The following PTPN12 variants were observed in gnomAD, a reference collection of about 807,000 sequenced individuals.
PTPN12 encodes tyrosine-protein phosphatase non-receptor type 12.
In PTPN12, 29 loss-of-function variants were observed where a neutral mutation model predicts 97.6. The ratio of observed to expected loss-of-function variants is 0.30; its 90% CI spans 0.22 to 0.41. The LOEUF (loss-of-function observed/expected upper bound fraction) is 0.41. Among genes scored for constraint, PTPN12 ranks in the 10% least tolerant of loss-of-function variants. The pLI, the probability that PTPN12 is intolerant of heterozygous loss-of-function variation, is 1.00. For missense variants in PTPN12, 819 were observed against 926.0 expected (o/e 0.88, Z 1.50); for synonymous variants, 327 against 300.4 (o/e 1.09, Z -0.91).
intron 11 of PTPN12, among the ~76,000 whole-genome samples, chr7:77,615,744 C>T (rs939878926): frequency 6.6e-6 from 1 of 152,132 alleles, no homozygotes; most frequent in South Asian, 2.1e-4. Flanking sequence ...AAATTCTTTT[C>T]CATTTCAAAA....
chr7:77,635,454 A>G (rs1028794950), intron 14 of PTPN12, among the ~76,000 whole-genome samples: 5 of 152,228 alleles, frequency 3.3e-5, no homozygotes, highest in East Asian at 1.9e-4. Flanking sequence ...ATGAAACGGT[A>G]TACTTCAGTT....
At chr7:77,625,608 C>T (rs1345614410) in intron 12 of PTPN12, among the ~76,000 whole-genome samples, 20 of 109,994 alleles carry the variant, frequency 1.8e-4, no homozygotes, top group African/African-American at 4.0e-4. Context: ...CTTGCTCTGT[C>T]GCCCAGACTG....
intron 11 of PTPN12, 101 bp from the exon 12 acceptor site, chr7:77,618,361 TAACTTGGCAAAATTGGCA>T: frequency 6.2e-6 from 4 of 641,382 alleles, no homozygotes; most frequent in Non-Finnish European, 7.7e-6. Flanking sequence ...TTTTTTTTTT[TAACTTGGCAAAATTGGCA>T]TTGTTTAAGG....
intron 12 of PTPN12, among the ~76,000 whole-genome samples, chr7:77,623,426 T>C (rs530514895): frequency 2.2e-4 from 34 of 152,194 alleles, no homozygotes; most frequent in Non-Finnish European, 4.4e-4. Flanking sequence ...ATACTGGTCA[T>C]GAGGCCGGGC....
At chr7:77,580,246 T>C (rs1787471497) in intron 2 of PTPN12, among the ~76,000 whole-genome samples, 1 of 152,216 alleles carries the variant, frequency 6.6e-6, no homozygotes, top group Non-Finnish European at 1.5e-5. Context: ...GGAAGATCTG[T>C]AGTCCAGGAG....
intron 2 of PTPN12, among the ~76,000 whole-genome samples, chr7:77,578,412 G>C (rs1034259188): frequency 6.6e-6 from 1 of 152,122 alleles, no homozygotes; most frequent in Non-Finnish European, 1.5e-5. Context: ...ATAAATGACA[G>C]AGCATTGACA....
At chr7:77,576,421 A>G (rs951529745) in intron 2 of PTPN12, among the ~76,000 whole-genome samples, 1 of 151,880 alleles carries the variant, frequency 6.6e-6, no homozygotes, top group Non-Finnish European at 1.5e-5. Flanking sequence ...CCAATCTGGC[A>G]GGGCGAGGTG....
chr7:77,541,292 A>G (rs1300472128), intron 1 of PTPN12, among the ~76,000 whole-genome samples: 1 of 152,092 alleles, frequency 6.6e-6, no homozygotes, highest in Non-Finnish European at 1.5e-5. Context: ...GGGTTTCCCC[A>G]TGTTGCCCAG....
At chr7:77,625,191 A>G (rs563944121) in intron 12 of PTPN12, among the ~76,000 whole-genome samples, 2 of 152,228 alleles carry the variant, frequency 1.3e-5, no homozygotes, top group African/African-American at 4.8e-5. Flanking sequence ...AGTTTGCTTC[A>G]TATAAAGTTC....
At chr7:77,588,807 G>T (rs1027297897) in intron 5 of PTPN12, among the ~76,000 whole-genome samples, 1 of 152,066 alleles carries the variant, frequency 6.6e-6, no homozygotes, top group African/African-American at 2.4e-5. Flanking sequence ...GAATAAAATT[G>T]AACAAGTGGA....
intron 11 of PTPN12, among the ~76,000 whole-genome samples, chr7:77,613,267 C>T (rs1260759964): frequency 6.9e-6 from 1 of 144,476 alleles, no homozygotes; most frequent in African/African-American, 2.6e-5. Flanking sequence ...CTCTGCCTCC[C>T]GGGTTCATGT....
intron 1 of PTPN12, among the ~76,000 whole-genome samples, chr7:77,560,317 A>G (rs193162679): frequency 3.9e-5 from 6 of 152,338 alleles, no homozygotes; most frequent in Admixed American, 3.9e-4. Context: ...GATACTGGAT[A>G]GGACATTTAA....
chr7:77,618,215 G>A (rs769720397), intron 11 of PTPN12, among the ~76,000 whole-genome samples: 4 of 151,836 alleles, frequency 2.6e-5, no homozygotes, highest in African/African-American at 9.7e-5. Flanking sequence ...GTTTTTTTAC[G>A]GTAGCATTTG....
intron 1 of PTPN12, among the ~76,000 whole-genome samples, chr7:77,561,861 G>A (rs1205635762): frequency 6.6e-6 from 1 of 151,350 alleles, no homozygotes; most frequent in Non-Finnish European, 1.5e-5. Flanking sequence ...GCACGATCTC[G>A]GCTCACTGCA....
chr7:77,558,228 GAAAAAGA>G (rs1159185866), intron 1 of PTPN12, among the ~76,000 whole-genome samples: 1 of 139,566 alleles, frequency 7.2e-6, no homozygotes, highest in African/African-American at 2.7e-5. Context: ...AAAAAAAAAA[GAAAAAGA>G]AAAAAGAAAG....
At chr7:77,561,889 T>C (rs972635350) in intron 1 of PTPN12, among the ~76,000 whole-genome samples, 9 of 151,738 alleles carry the variant, frequency 5.9e-5, no homozygotes, top group African/African-American at 2.2e-4. Context: ...CCTCCTGGGT[T>C]CATGCCATTC....
intron 7 of PTPN12, among the ~76,000 whole-genome samples, chr7:77,598,971 A>G (rs963042067): frequency 1.3e-5 from 2 of 151,298 alleles, no homozygotes; most frequent in African/African-American, 2.4e-5. Context: ...AACAAGCTAT[A>G]TAAATAGTAT....
chr7:77,573,231 T>A (rs1049350372), intron 2 of PTPN12, among the ~76,000 whole-genome samples: 1 of 152,206 alleles, frequency 6.6e-6, no homozygotes, highest in Non-Finnish European at 1.5e-5. Context: ...TTCTCACCTG[T>A]TGTCTTAGTC....
Position 77,605,409 on chromosome 7 carries a change from G to GGTTTTTTTTTTTTTTT in PTPN12, c.696-1826_696-1825insGTTTTTTTTTTTTTTT, listed in dbSNP as rs1554321255. ...TTACTTTAAAATACTTTTGTCATGA[G>GGTTTTTTTTTTTTTTT]TTTTTTTTTTTTTTTTTTTTTTTTT... On this transcript the variant is annotated intron_variant, in intron 8 of 17. Coordinates refer to ENST00000248594, the MANE Select transcript of PTPN12 (RefSeq NM_002835.4). Among the ~76,000 whole-genome samples, 133 of 95,532 alleles carry GGTTTTTTTTTTTTTTT rather than the reference G, an allele frequency of 1.4e-3. 25 individuals are homozygous for GGTTTTTTTTTTTTTTT. The highest frequency in any genetic ancestry group is 1.8e-3 in the Non-Finnish European group (88 of 50,176). 62.7% of individuals were successfully genotyped at this position (95,532 alleles called of 152,430 possible).
Sources: allele counts gnomAD v4.1 joint callset (sites outside exome capture counted in the v4.1 genomes callset), GRCh38; gene constraint gnomAD v4.1.1; transcripts MANE v1.5; gene names NCBI Gene and HGNC (gene_info 2026-07-23, HGNC 2026-07-21).